Variants in SEZ6L observed in about 807,000 individuals in gnomAD.
The protein encoded by SEZ6L is seizure 6-like protein.
A neutral mutation model predicts 106.2 loss-of-function variants in SEZ6L; 37 were observed. That is an observed-to-expected ratio of 0.35 (90% CI 0.27 to 0.46). The LOEUF is 0.46. SEZ6L is among the 20% of genes least tolerant of loss of function. The probability of loss-of-function intolerance (pLI) is 1.00; values close to 1 mark genes in which losing one functional copy is unlikely to be tolerated. For synonymous variants in SEZ6L, 541 were observed against 570.4 expected (o/e 0.95, Z 0.73); for missense variants, 1,172 against 1,332.8 (o/e 0.88, Z 1.88).
At chr22:26,280,029 T>TA (rs2080710635) in intron 1 of SEZ6L, among the ~76,000 whole-genome samples, 1 of 152,066 alleles carries the variant, frequency 6.6e-6, no homozygotes, top group Non-Finnish European at 1.5e-5. Context: ...ATAAAAAAAA[T>TA]AAAAAGTGAT....
At chr22:26,291,188 A>G (rs181549260) in intron 1 of SEZ6L, among the ~76,000 whole-genome samples, 2 of 152,358 alleles carry the variant, frequency 1.3e-5, no homozygotes, top group Admixed American at 1.3e-4. Flanking sequence ...CGTGGAATCA[A>G]CCTAATGCCC....
intron 9 of SEZ6L, among the ~76,000 whole-genome samples, chr22:26,316,306 G>A (rs1482941365): frequency 6.6e-6 from 1 of 152,172 alleles, no homozygotes; most frequent in Admixed American, 6.5e-5. Context: ...AAATTATTGT[G>A]TACCTACCGT....
chr22:26,321,260 C>T (rs9625010), intron 9 of SEZ6L, among the ~76,000 whole-genome samples: 68,420 of 151,976 alleles, frequency 0.45, 15,628 homozygotes, highest in South Asian at 0.64. Flanking sequence ...TGCCTGTGAT[C>T]GCACAGCTAG....
In SEZ6L at chr22:26,352,022, A is replaced by G. The variant is rs5761493; in HGVS notation, c.2599+779A>G. Among the ~76,000 whole-genome samples, 21 of 152,212 alleles carry G rather than the reference A, an allele frequency of 1.4e-4. No homozygotes were observed. In the East Asian group the frequency reaches 4.1e-3, roughly 30 times the overall value. On this transcript the variant is annotated intron_variant, in intron 12 of 16. Coordinates refer to ENST00000248933, the MANE Select transcript of SEZ6L (RefSeq NM_021115.5). Reference sequence around the variant, plus strand: ...AAAAAAATACAGAAATTAGCCAGGCATGGTGGTGTACACCTATTATCCCAG... The same window carrying G: ...AAAAAAATACAGAAATTAGCCAGGCGTGGTGGTGTACACCTATTATCCCAG...
chr22:26,350,196 A>G (rs1036023716), intron 11 of SEZ6L, among the ~76,000 whole-genome samples: 135 of 130,190 alleles, frequency 1.0e-3, no homozygotes, highest in African/African-American at 3.4e-3. Flanking sequence ...GTGTGTGTGT[A>G]TATATATATA....
At chr22:26,293,402 C>G (rs2081202089) in intron 2 of SEZ6L, among the ~76,000 whole-genome samples, 1 of 152,254 alleles carries the variant, frequency 6.6e-6, no homozygotes, top group African/African-American at 2.4e-5. Flanking sequence ...ACGATCATAG[C>G]TCACTGCAGC....
intron 1 of SEZ6L, among the ~76,000 whole-genome samples, chr22:26,262,244 T>TTATCTATATATCTATC (rs2080034957): frequency 1.4e-5 from 2 of 144,290 alleles, no homozygotes; most frequent in East Asian, 2.0e-4. Context: ...TTGATATATT[T>TTATCTATATATCTATC]TATCTATCTA....
chr22:26,308,748 G>A (rs904005463), intron 6 of SEZ6L, among the ~76,000 whole-genome samples: 8 of 152,204 alleles, frequency 5.3e-5, no homozygotes, highest in African/African-American at 1.9e-4. Context: ...GAGAGAAAAT[G>A]TATTACTATT....
At chr22:26,331,611 G>A (rs772053260) in intron 9 of SEZ6L, among the ~76,000 whole-genome samples, 2 of 152,056 alleles carry the variant, frequency 1.3e-5, no homozygotes, top group East Asian at 1.9e-4. Flanking sequence ...ATACCTGATC[G>A]ATAATAACCA....
chr22:26,213,380 G>A (rs750794020), intron 1 of SEZ6L, among the ~76,000 whole-genome samples: 1 of 152,158 alleles, frequency 6.6e-6, no homozygotes, highest in Non-Finnish European at 1.5e-5. Context: ...GCTTTCCGAC[G>A]TGCAGAGCGG....
At chr22:26,218,691 C>A (rs2078367817) in intron 1 of SEZ6L, among the ~76,000 whole-genome samples, 1 of 149,688 alleles carries the variant, frequency 6.7e-6, no homozygotes. Flanking sequence ...AAACCCAGCA[C>A]TTTGGGAGGC....
At chr22:26,265,425 T>G (rs2080144334) in intron 1 of SEZ6L, among the ~76,000 whole-genome samples, 1 of 152,208 alleles carries the variant, frequency 6.6e-6, no homozygotes, top group African/African-American at 2.4e-5. Flanking sequence ...TAGGGGGAAA[T>G]TATTTAAATA....
At chr22:26,335,859 C>T (rs570415891) in intron 9 of SEZ6L, among the ~76,000 whole-genome samples, 8 of 152,292 alleles carry the variant, frequency 5.3e-5, no homozygotes, top group African/African-American at 1.7e-4. Flanking sequence ...AAGACACCTG[C>T]CAAGTCACCA....
intron 9 of SEZ6L, among the ~76,000 whole-genome samples, chr22:26,318,509 C>T (rs1297381610): frequency 6.6e-6 from 1 of 151,850 alleles, no homozygotes; most frequent in Non-Finnish European, 1.5e-5. Flanking sequence ...GCTCCCTTCT[C>T]ATTGCAGCAA....
Position 26,362,630 on chromosome 22 carries a change from A to G in SEZ6L, c.2600-2742A>G, listed in dbSNP as rs571497155. On this transcript the variant is annotated intron_variant, in intron 12 of 16. Coordinates refer to ENST00000248933, the MANE Select transcript of SEZ6L (RefSeq NM_021115.5). ...ACCTCCTCACCGCATTGCTGGACGC[A>G]TTGCTGGGCATGAAGTAAGCACTCA... 5.3e-5 allele frequency among the ~76,000 whole-genome samples: 8 copies of G among 152,306 alleles called. No individual in the cohort carries two copies. In the South Asian group the frequency reaches 1.7e-3, roughly 32 times the overall value.
At chr22:26,324,095 C>CACACACACACACAA (rs1248404135) in intron 9 of SEZ6L, among the ~76,000 whole-genome samples, 4 of 149,426 alleles carry the variant, frequency 2.7e-5, no homozygotes, top group Non-Finnish European at 4.5e-5. Flanking sequence ...CACACACACA[C>CACACACACACACAA]ACACACAAAC....
At chr22:26,361,906 G>T (rs991613413) in intron 12 of SEZ6L, among the ~76,000 whole-genome samples, 1 of 152,066 alleles carries the variant, frequency 6.6e-6, no homozygotes, top group Non-Finnish European at 1.5e-5. Context: ...AGCTCAGCTG[G>T]GTTGAGGACC....
intron 13 of SEZ6L, among the ~76,000 whole-genome samples, chr22:26,369,544 G>C (rs996347218): frequency 4.6e-5 from 7 of 151,348 alleles, no homozygotes; most frequent in Admixed American, 3.3e-4. Flanking sequence ...TTTTCACCGT[G>C]TTAGCCAGGA....
At chr22:26,348,941 G>A (rs2083182535) in intron 11 of SEZ6L, among the ~76,000 whole-genome samples, 2 of 138,952 alleles carry the variant, frequency 1.4e-5, no homozygotes, top group Admixed American at 1.4e-4. Context: ...GGAAGGGAGG[G>A]AGGGAAGGAA....
Sources: allele counts gnomAD v4.1 joint callset (sites outside exome capture counted in the v4.1 genomes callset), GRCh38; gene constraint gnomAD v4.1.1; transcripts MANE v1.5; gene names NCBI Gene and HGNC (gene_info 2026-07-23, HGNC 2026-07-21).